ZFC3H1: variants seen among roughly 807,000 people sequenced by gnomAD.
The protein encoded by ZFC3H1 is zinc finger C3H1 domain-containing protein.
ZFC3H1 carries 71 observed loss-of-function variants against 243.7 expected under a neutral mutation model. That is an observed-to-expected ratio of 0.29 (90% CI 0.24 to 0.36). ZFC3H1 has a LOEUF of 0.36. Ranked by LOEUF, ZFC3H1 falls within the 10% of genes least tolerant of loss-of-function variation. The pLI is 1.00. For synonymous variants in ZFC3H1, 838 were observed against 813.0 expected (o/e 1.03, Z -0.52); for missense variants, 1,966 against 2,317.1 (o/e 0.85, Z 3.11).
chr12:71,631,693 T>G, intron 16 of ZFC3H1, 85 bp downstream of exon 16: 1 of 1,205,882 alleles, frequency 8.3e-7, no homozygotes, highest in African/African-American at 1.6e-5. Flanking sequence ...AATTGCTTTT[T>G]CATTATCATC....
chr12:71,633,228 A>T, intron 13 of ZFC3H1, 36 bp downstream of exon 13: 1 of 1,527,830 alleles, frequency 6.5e-7, no homozygotes, highest in Non-Finnish European at 8.7e-7. Context: ...AAAAATGTGT[A>T]GTAAACAGGA....
chr12:71,642,652 T>A (rs1424593201), intron 5 of ZFC3H1, 93 bp from the exon 6 acceptor site: 3 of 1,417,126 alleles, frequency 2.1e-6, no homozygotes, highest in African/African-American at 2.9e-5. Context: ...TGGAAGAGTA[T>A]CAAAAATCAT....
At chr12:71,622,601 T>C (rs1880059597) in intron 24 of ZFC3H1, among the ~76,000 whole-genome samples, 6 of 152,164 alleles carry the variant, frequency 3.9e-5, no homozygotes, top group Admixed American at 3.9e-4. Flanking sequence ...TAGCTGGGAA[T>C]ACAGGCGTGA....
At position 71,642,634 on chromosome 12, in the gene ZFC3H1, A is replaced by G. The variant is rs1028233068; in HGVS notation, c.1504-75T>C. 3 of 1,498,362 alleles carry G rather than the reference A, an allele frequency of 2.0e-6. No homozygotes were observed. In the African/African-American group the frequency reaches 4.2e-5, roughly 21 times the overall value. The allele number at this position is 1,498,362 out of a possible 1,614,324, so 92.8% of individuals were successfully genotyped here. Reference sequence around the variant, plus strand: ...ACAAATCACAAAAGAACTGATAGTTATCTTCTATGGAAGAGTATCAAAAAT... The same window carrying G: ...ACAAATCACAAAAGAACTGATAGTTGTCTTCTATGGAAGAGTATCAAAAAT... On this transcript the variant is annotated intron_variant, in intron 5 of 34. Coordinates refer to ENST00000378743, the MANE Select transcript of ZFC3H1 (RefSeq NM_144982.5).
At chr12:71,614,385 T>C (rs936077720) in intron 30 of ZFC3H1, 150 bp downstream of exon 30, 5 of 665,524 alleles carry the variant, frequency 7.5e-6, no homozygotes, top group Non-Finnish European at 9.0e-6. Context: ...TCTGAATAGA[T>C]AAATAAGAAA....
rs369074576 is a variant in ZFC3H1 at position 71,656,868 on chromosome 12, A to G, written c.1015+17T>C. 1.3e-6 allele frequency: 2 copies of G among 1,586,590 alleles called. No homozygotes were observed. The highest frequency in any genetic ancestry group is 1.7e-6 in the Non-Finnish European group (2 of 1,167,856). On this transcript the variant is annotated intron_variant, in intron 2 of 34. Coordinates refer to ENST00000378743, the MANE Select transcript of ZFC3H1 (RefSeq NM_144982.5). ...GGAAGAAGAGTCATTACTAACTGAA[A>G]TATTTAATTCCATTACCTTGACTAG...
Position 71,635,453 on chromosome 12 carries a change from C to T in ZFC3H1, c.2228G>A (p.Arg743Gln). The T allele has an allele frequency of 2.5e-6, 4 of 1,573,244 alleles. No homozygotes were observed. Among genetic ancestry groups the T allele is most frequent in the East Asian group, 2.4e-5 (1 of 41,810 alleles). The change falls in exon 10 of 35, where the codon CGA (arginine) becomes CAA (glutamine). Residue 743 changes from arginine to glutamine, a missense_variant. By Grantham distance (43) the Arg-to-Gln change is conservative (BLOSUM62 1). Around this residue, in one of 4 missense-constraint regions of ZFC3H1, gnomAD observed 1,383 missense variants for 1,723.7 expected, o/e 0.80. Transcript: ENST00000378743. ...GLESMIKEAR[R>Q]TAEQASKPKV... ...AATTATTGCACTTACCTCAGCAGTTCGTCTTGCTTCTTTAATCATGGACTC... is the reference window on the plus strand; with the variant it reads ...AATTATTGCACTTACCTCAGCAGTTTGTCTTGCTTCTTTAATCATGGACTC...
chr12:71,663,633 C>A lies in ZFC3H1; in HGVS notation c.-23G>T. The A allele has an allele frequency of 6.3e-7, 1 of 1,598,988 alleles. No individual in the cohort carries two copies. The highest frequency in any genetic ancestry group is 8.5e-7 in the Non-Finnish European group (1 of 1,175,612). The stretch of plus-strand genomic sequence containing the variant: ...CATCCGGGGAGCAGCGCCTTCCACA[C>A]AACCTTAGCCCTCCGTCCGGGGATC... On this transcript the variant is annotated 5_prime_UTR_variant, in exon 1 of 35. Transcript: ENST00000378743.
At chr12:71,633,231 A>G in intron 13 of ZFC3H1, 33 bp downstream of exon 13, 1 of 1,538,150 alleles carries the variant, frequency 6.5e-7, no homozygotes, top group Non-Finnish European at 8.7e-7. Context: ...AATGTGTAGT[A>G]AACAGGAGAC....
chr12:71,659,591 AAAG>A (rs1881112552), intron 1 of ZFC3H1, among the ~76,000 whole-genome samples: 1 of 152,196 alleles, frequency 6.6e-6, no homozygotes, highest in Admixed American at 6.5e-5. Context: ...AAAAAAAAGA[AAAG>A]AAAGGGAAAT....
rs372391979 is a variant in ZFC3H1 at position 71,663,313 on chromosome 12, C to T, written c.298G>A (p.Gly100Arg). Residue 100 changes from glycine (G) to arginine (R), a missense_variant, in exon 1 of 35, where the codon GGA becomes AGA. Gly to Arg is a moderately radical substitution (Grantham distance 125). This residue lies in a region of ZFC3H1 where 484 missense variants were observed against 449.7 expected (regional missense o/e 1.08). Transcript: ENST00000378743. ...TCTTTGGGTCGGTAGCTGCTGGGTC[C>T]CCTGAGGTGGCCCCGCTCAGACGCG... ...RHASERGHLR[G>R]PSSYRPKEPF... 2.1e-5 allele frequency: 34 copies of T among 1,613,348 alleles called. No individual in the cohort carries two copies. In the East Asian group the frequency reaches 3.1e-4, roughly 15 times the overall value.
chr12:71,616,668 C>CA (rs1879901532), intron 27 of ZFC3H1, among the ~76,000 whole-genome samples: 1 of 151,960 alleles, frequency 6.6e-6, no homozygotes. Context: ...ACATTGATCG[C>CA]AAAAATGACA....
intron 18 of ZFC3H1, 67 bp downstream of exon 18, chr12:71,630,533 A>C (rs1363857677): frequency 1.2e-5 from 18 of 1,547,064 alleles, no homozygotes; most frequent in Non-Finnish European, 7.0e-6. Context: ...GTCAACAACT[A>C]ATATAGAATT....
chr12:71,638,583 G>T, intron 6 of ZFC3H1, 68 bp from the exon 7 acceptor site: 1 of 1,305,138 alleles, frequency 7.7e-7, no homozygotes, highest in Non-Finnish European at 1.0e-6. Flanking sequence ...TTAAGTTTAT[G>T]TTATGTTTGA....
intron 34 of ZFC3H1, 42 bp from the exon 35 acceptor site, chr12:71,610,607 GTTTGAGCA>G (rs1227393469): frequency 1.2e-6 from 2 of 1,612,328 alleles, no homozygotes; most frequent in Non-Finnish European, 1.7e-6. Flanking sequence ...CTTAGCTAGA[GTTTGAGCA>G]TTACCACATC....
intron 27 of ZFC3H1, among the ~76,000 whole-genome samples, chr12:71,615,899 C>T (rs1265616803): frequency 6.6e-6 from 1 of 152,126 alleles, no homozygotes; most frequent in African/African-American, 2.4e-5. Flanking sequence ...TTAAACAAAA[C>T]ACCATAATCC....
intron 27 of ZFC3H1, among the ~76,000 whole-genome samples, chr12:71,618,700 G>C (rs1355225827): frequency 7.2e-6 from 1 of 139,098 alleles, no homozygotes. Context: ...GAGATGAGGA[G>C]GACAAAGGAA....
rs757926002 is a variant in ZFC3H1 at position 71,627,949 on chromosome 12, AG to A, written c.3947-16del. ...TGGCTGGAAAGCTATTTAAAAAAAA[AG>A]TATTATTAGCTTCACATTTTCTTTA... On this transcript the variant is annotated splice_polypyrimidine_tract_variant and intron_variant, in intron 20 of 34. Transcript: ENST00000378743. The A allele has an allele frequency of 2.6e-5, 42 of 1,606,262 alleles. No homozygotes were observed. In the East Asian group the frequency reaches 9.2e-4, roughly 35 times the overall value.
rs752833013 is a variant in ZFC3H1, at chr12:71,637,033, A to G, written c.1752T>C (p.Tyr584=). The change falls in exon 8 of 35, where the codon TAT becomes TAC. Residue 584 remains tyrosine, a synonymous_variant. Transcript: ENST00000378743. ...CAAGAGAAACACACAAGCCTTCCAC[A>G]TAAGGCTGGCTCAAAGGTGGCAGAG... ...VSSLPPLSQP[Y]VEGLCVSLEP... 26 of 1,613,680 alleles carry G rather than the reference A, an allele frequency of 1.6e-5. 1 individual carries two copies. In the South Asian group the frequency reaches 2.0e-4, roughly 12 times the overall value.
Sources: gnomAD v4.1 joint callset for allele counts (sites outside exome capture counted in the v4.1 genomes callset) on GRCh38, gnomAD v4.1.1 for gene constraint, gnomAD v4.1.1 regional missense constraint, MANE v1.5 for transcripts, NCBI Gene and HGNC (gene_info 2026-07-23, HGNC 2026-07-21) for gene names.